Variants in CDC25C observed in about 807,000 individuals in gnomAD.
CDC25C encodes the protein M-phase inducer phosphatase 3.
A neutral mutation model predicts 52.5 loss-of-function variants in CDC25C; 48 were observed. The ratio of observed to expected loss-of-function variants is 0.91; its 90% CI spans 0.72 to 1.16. The LOEUF (loss-of-function observed/expected upper bound fraction) is 1.16. Ranked by LOEUF, CDC25C falls within the 50% of genes most tolerant of loss-of-function variation. The pLI is 0.00. For missense variants in CDC25C, 510 were observed against 566.1 expected (o/e 0.90, Z 1.01); for synonymous variants, 187 against 206.5 (o/e 0.91, Z 0.81).
Position 138,291,989 on chromosome 5 carries a change from C to A in CDC25C, c.743G>T (p.Gly248Val). 6.2e-7 allele frequency: 1 copy of A among 1,607,890 alleles called. No individual in the cohort carries two copies. Among genetic ancestry groups the A allele is most frequent in the Non-Finnish European group, 8.5e-7 (1 of 1,176,832 alleles). Residue 248 changes from glycine to valine, a missense_variant, in exon 8 of 14, where the codon GGC (glycine) becomes GTC (valine). Physicochemically the swap from Gly to Val is moderately radical, Grantham distance 109. Coordinates refer to ENST00000323760, the MANE Select transcript of CDC25C (RefSeq NM_001790.5). ...TCTTACCTTCCTGAGCTTTCCTTGGCCAGAAAAATACTTTTTTTTAACTTT... is the reference window on the plus strand; with the variant it reads ...TCTTACCTTCCTGAGCTTTCCTTGGACAGAAAAATACTTTTTTTTAACTTT... ...PDKVKKKYFS[G>V]QGKLRKGLCL...
rs958924047 is a variant in CDC25C, at chr5:138,331,757, G to C, written c.-201C>G. ...ACTGGGTAGGCCAACGTCGGACTCA[G>C]AGTCTTCCCTGAGCAGAAGGCCAAA... is the stretch of plus-strand genomic sequence containing the variant. On this transcript the variant is annotated 5_prime_UTR_variant, in exon 1 of 14. Coordinates refer to ENST00000323760, the MANE Select transcript of CDC25C (RefSeq NM_001790.5). 5 of 974,130 alleles carry C rather than the reference G, an allele frequency of 5.1e-6. No homozygotes were observed. The highest frequency in any genetic ancestry group is 6.0e-5 in the Admixed American group (1 of 16,782). The allele number at this position is 974,130 out of a possible 1,614,324, so 60.3% of individuals were successfully genotyped here. A position where few individuals can be genotyped will look rare whatever the true frequency, so the allele number is the denominator to read the frequency against.
chr5:138,295,205 G>T (rs1757080063), intron 7 of CDC25C, among the ~76,000 whole-genome samples: 1 of 152,048 alleles, frequency 6.6e-6, no homozygotes, highest in Non-Finnish European at 1.5e-5. Flanking sequence ...CAATGTTTTA[G>T]GTTTCTGGTA....
intron 10 of CDC25C, among the ~76,000 whole-genome samples, chr5:138,288,350 C>T (rs1756432381): frequency 6.6e-6 from 1 of 151,438 alleles, no homozygotes; most frequent in Non-Finnish European, 1.5e-5. Context: ...GCTGGGATTA[C>T]AGGTGTGAGC....
rs562265387 is a variant in CDC25C at position 138,289,548 on chromosome 5, T to C, written c.880A>G (p.Thr294Ala). Residue 294 changes from threonine to alanine, a missense_variant, in exon 10 of 14, where the codon ACC becomes GCC. Thr to Ala is a moderately conservative substitution (Grantham distance 58). Coordinates refer to ENST00000323760, the MANE Select transcript of CDC25C (RefSeq NM_001790.5). The stretch of plus-strand genomic sequence containing the variant: ...AGATCTTGGTGTTTCCCTGACACGG[T>C]TGGCAGCGCACATACCTAGAAATAC... ...GDFSKVCALP[T>A]VSGKHQDLKY... 3.1e-6 allele frequency: 5 copies of C among 1,613,642 alleles called. No homozygotes were observed. The highest frequency in any genetic ancestry group is 1.7e-5 in the Admixed American group (1 of 60,004).
upstream of CDC25C, among the ~76,000 whole-genome samples, chr5:138,334,902 A>C (rs1333995816): frequency 6.6e-6 from 1 of 152,230 alleles, no homozygotes; most frequent in Non-Finnish European, 1.5e-5. Flanking sequence ...AGAAGAAAGA[A>C]TATTAGGGAG....
At chr5:138,337,854 T>C (rs1580846333) in intron 1 of CDC25C, 1 of 729,068 alleles carries the variant, frequency 1.4e-6, no homozygotes, top group East Asian at 6.6e-5. Flanking sequence ...GCAGAGCAGG[T>C]GAGGGGCACT....
chr5:138,300,139 C>T (rs182566813), intron 7 of CDC25C, among the ~76,000 whole-genome samples: 63 of 152,152 alleles, frequency 4.1e-4, no homozygotes, highest in Admixed American at 2.6e-3. Context: ...GAGTTCAAGG[C>T]GACATAGTGA....
intron 6 of CDC25C, 58 bp from the exon 7 acceptor site, chr5:138,319,432 TA>T (rs1190274098): frequency 2.2e-6 from 3 of 1,339,502 alleles, no homozygotes; most frequent in Non-Finnish European, 3.1e-6. Context: ...GTTCTAAATG[TA>T]AGAGCTAAAA....
At chr5:138,292,185 A>G in intron 7 of CDC25C, 69 bp from the exon 8 acceptor site, 1 of 1,262,188 alleles carries the variant, frequency 7.9e-7, no homozygotes. Flanking sequence ...CAGCAACAAC[A>G]TCTCCTGGGA....
At chr5:138,329,730 T>TA (rs1468219179) in intron 2 of CDC25C, 83 bp from the exon 3 acceptor site, 5 of 438,400 alleles carry the variant, frequency 1.1e-5, no homozygotes, top group Non-Finnish European at 1.9e-5. Flanking sequence ...CCTCTTCTTT[T>TA]TTTTTTTTTT....
intron 7 of CDC25C, among the ~76,000 whole-genome samples, chr5:138,302,359 T>C (rs891393979): frequency 2.0e-5 from 3 of 151,996 alleles, no homozygotes; most frequent in Non-Finnish European, 4.4e-5. Flanking sequence ...AAGGATCATA[T>C]GTCACAACCA....
chr5:138,312,203 C>G (rs1279636855), intron 7 of CDC25C, among the ~76,000 whole-genome samples: 1 of 152,064 alleles, frequency 6.6e-6, no homozygotes, highest in Non-Finnish European at 1.5e-5. Flanking sequence ...TGGGTATATA[C>G]CCTAAAGAAC....
chr5:138,329,779 C>T, intron 2 of CDC25C, 132 bp from the exon 3 acceptor site: 1 of 511,392 alleles, frequency 2.0e-6, no homozygotes, highest in Non-Finnish European at 3.3e-6. Flanking sequence ...CCCCCCAGCT[C>T]AAGTGCAGTG....
intron 3 of CDC25C, 149 bp downstream of exon 3, chr5:138,329,404 C>T: frequency 1.7e-6 from 1 of 599,140 alleles, no homozygotes; most frequent in South Asian, 2.2e-5. Context: ...CTTAATCATT[C>T]TCAAAAATCC....
chr5:138,289,501 T>C lies in CDC25C; in HGVS notation c.927A>G (p.Thr309=). 3 of 1,611,024 alleles carry C rather than the reference T, an allele frequency of 1.9e-6. No homozygotes were observed. Among genetic ancestry groups the C allele is most frequent in the Non-Finnish European group, 2.5e-6 (3 of 1,177,150 alleles). The stretch of plus-strand genomic sequence containing the variant: ...TTACCATCTCCAGAAATCTGCTTAC[T>C]GTTTCTGGGTTGACATACTTCAGAT... ...HQDLKYVNPE[T]VAALLSGKFQ... Residue 309 remains threonine, a splice_region_variant and synonymous_variant, in exon 10 of 14, where the codon ACA becomes ACG. Coordinates refer to ENST00000323760, the MANE Select transcript of CDC25C (RefSeq NM_001790.5).
chr5:138,289,640 T>C, intron 9 of CDC25C, 77 bp from the exon 10 acceptor site: 1 of 1,248,308 alleles, frequency 8.0e-7, no homozygotes, highest in Non-Finnish European at 1.2e-6. Context: ...TATTTTGTCC[T>C]TCTTTCCAAG....
chr5:138,321,863 A>C (rs890177123), intron 6 of CDC25C, among the ~76,000 whole-genome samples: 3 of 151,926 alleles, frequency 2.0e-5, no homozygotes, highest in East Asian at 1.9e-4. Context: ...TAATAATCCA[A>C]ATCTCTGGAG....
chr5:138,285,477 G>C lies in CDC25C; in HGVS notation c.*215C>G, dbSNP rs1448832254. The C allele has an allele frequency of 3.5e-6, 2 of 572,900 alleles. No individual in the cohort carries two copies. The highest frequency in any genetic ancestry group is 6.2e-5 in the Admixed American group (2 of 32,132). The allele number at this position is 572,900 out of a possible 1,614,324, so 35.5% of individuals were successfully genotyped here. ...AATACAAATCTCTATGCAACTCAAG[G>C]CTGCCTTATAGAGCCAGCTCCAGGA... On this transcript the variant is annotated 3_prime_UTR_variant, in exon 14 of 14. Coordinates refer to ENST00000323760, the MANE Select transcript of CDC25C (RefSeq NM_001790.5).
At chr5:138,338,266 A>G in exon 1 of CDC25C, 1 of 1,011,574 alleles carries the variant, frequency 9.9e-7, no homozygotes, top group Non-Finnish European at 1.4e-6. Context: ...CCGAGCGCTC[A>G]GAGCTGCTCC....
Sources: gnomAD v4.1 joint callset for allele counts (sites outside exome capture counted in the v4.1 genomes callset) on GRCh38, gnomAD v4.1.1 for gene constraint, MANE v1.5 for transcripts, NCBI Gene and HGNC (gene_info 2026-07-23, HGNC 2026-07-21) for gene names.